Variants in PLAT observed in about 807,000 individuals in gnomAD.
The protein encoded by PLAT is plasminogen activator, tissue type.
A neutral mutation model predicts 74.9 loss-of-function variants in PLAT; 48 were observed. The observed-to-expected ratio is 0.64, with a 90% CI of 0.51 to 0.82. The LOEUF (loss-of-function observed/expected upper bound fraction) is 0.82. Among genes scored for constraint, PLAT ranks in the 40% least tolerant of loss-of-function variants. PLAT has a pLI of 0.00. For synonymous variants in PLAT, 307 were observed against 294.4 expected (o/e 1.04, Z -0.44); for missense variants, 673 against 736.2 (o/e 0.91, Z 0.99).
chr8:42,197,919 C>T (rs1196983300), intron 1 of PLAT, among the ~76,000 whole-genome samples: 1 of 152,200 alleles, frequency 6.6e-6, no homozygotes, highest in Admixed American at 6.5e-5. Context: ...AGGTTGCCTC[C>T]GGTGCTGACA....
intron 1 of PLAT, chr8:42,206,567 G>A (rs1585444364): frequency 6.6e-6 from 1 of 152,154 alleles, no homozygotes; most frequent in African/African-American, 2.4e-5. Flanking sequence ...AGCTACAGGA[G>A]ACCACCATAT....
In PLAT at chr8:42,180,010, G is replaced by A. The variant is rs1224060830; in HGVS notation, c.1279C>T (p.Arg427Cys). The A allele has an allele frequency of 1.2e-6, 2 of 1,609,564 alleles. No individual in the cohort carries two copies. Among genetic ancestry groups the A allele is most frequent in the African/African-American group, 1.3e-5 (1 of 74,808 alleles). Residue 427 changes from arginine to cysteine, a missense_variant, in exon 12 of 14, where the codon CGC (arginine) becomes TGC (cysteine). Coordinates refer to ENST00000220809, the MANE Select transcript of PLAT (RefSeq NM_000930.5). ...TCCGCCGGGGGAAGGCACACAGTGC[G>A]GACCACGCTGCTCTCCTGGGCACAG... ...SRCAQESSVVRTVCLPPADLQ... is the reference protein window; with the variant it reads ...SRCAQESSVVCTVCLPPADLQ...
At chr8:42,177,090 G>A (rs900957128) in intron 13 of PLAT, among the ~76,000 whole-genome samples, 7 of 151,998 alleles carry the variant, frequency 4.6e-5, no homozygotes, top group African/African-American at 1.5e-4. Flanking sequence ...AGCAATTCTC[G>A]TGCTTATGGG....
intron 7 of PLAT, among the ~76,000 whole-genome samples, chr8:42,183,776 C>T (rs1805342339): frequency 6.6e-6 from 1 of 151,886 alleles, no homozygotes; most frequent in South Asian, 2.1e-4. Flanking sequence ...TAGACCAGAC[C>T]ATGGGGGATG....
chr8:42,180,758 C>T, intron 9 of PLAT, 73 bp from the exon 10 acceptor site: 1 of 1,136,598 alleles, frequency 8.8e-7, no homozygotes, highest in Non-Finnish European at 1.2e-6. Flanking sequence ...GTGAGGAGGC[C>T]ATCAGCATGG....
chr8:42,191,484 C>G (rs1227124789), intron 2 of PLAT, 70 bp from the exon 3 acceptor site: 5 of 1,446,922 alleles, frequency 3.5e-6, no homozygotes, highest in Non-Finnish European at 4.9e-6. Flanking sequence ...GGCGGCCAAC[C>G]CAGAAGCCCA....
At chr8:42,205,770 A>G (rs1030800269) in intron 1 of PLAT, among the ~76,000 whole-genome samples, 1 of 152,208 alleles carries the variant, frequency 6.6e-6, no homozygotes, top group Non-Finnish European at 1.5e-5. Context: ...TATGAAACCA[A>G]GCCATACCTT....
rs1202812967 is a variant in PLAT at position 42,194,237 on chromosome 8, AGAGAGTGTGTGTGTGT to A, written c.-26-1042_-26-1027del. The stretch of plus-strand genomic sequence containing the variant: ...GGCTGAGAGAGAGAGAGAGAGAGAG[AGAGAGTGTGTGTGTGT>A]GTGTGTGTGTGTGTGTGTGTGTGTG... On this transcript the variant is annotated intron_variant, in intron 1 of 13. Transcript: ENST00000220809. 3.0e-3 allele frequency among the ~76,000 whole-genome samples: 184 copies of A among 60,562 alleles called. 1 individual carries two copies. The highest frequency in any genetic ancestry group is 5.1e-3 in the Admixed American group (24 of 4,678). 39.7% of individuals were successfully genotyped at this position (60,562 alleles called of 152,430 possible).
chr8:42,182,028 T>A lies in PLAT; in HGVS notation c.804-6A>T, dbSNP rs919362946. On this transcript the variant is annotated splice_polypyrimidine_tract_variant and splice_region_variant and intron_variant, in intron 8 of 13. Transcript: ENST00000220809. The stretch of plus-strand genomic sequence containing the variant: ...TGGCATCCCCATCAGGATTCCTAAA[T>A]GATAAGAGAGTTTAAGGTTTCCTTT... 2.6e-6 allele frequency: 4 copies of A among 1,567,222 alleles called. No homozygotes were observed. The highest frequency in any genetic ancestry group is 1.4e-5 in the African/African-American group (1 of 74,004).
intron 1 of PLAT, among the ~76,000 whole-genome samples, chr8:42,202,133 C>T (rs1029347283): frequency 6.6e-6 from 1 of 152,148 alleles, no homozygotes; most frequent in East Asian, 1.9e-4. Context: ...GATCCTCTCA[C>T]CTCAGCTTCT....
intron 13 of PLAT, 151 bp from the exon 14 acceptor site, chr8:42,176,302 G>A: frequency 3.1e-6 from 2 of 646,388 alleles, no homozygotes; most frequent in Non-Finnish European, 5.2e-6. Context: ...ACTTTGATGA[G>A]GAAAACAAAA....
At chr8:42,189,903 T>TTTTTCTTTTC (rs58642398) in intron 3 of PLAT, among the ~76,000 whole-genome samples, 2 of 150,368 alleles carry the variant, frequency 1.3e-5, no homozygotes, top group African/African-American at 4.9e-5. Context: ...CCAGCCTAAT[T>TTTTTCTTTTC]TTTTCTTTTC....
chr8:42,182,860 G>C lies in PLAT; in HGVS notation c.662C>G (p.Ser221Ter). Reference protein sequence around the residue: ...GNSDCYFGNGSAYRGTHSLTE... With the variant: ...GNSDCYFGNG ...GAGGCTGTGCGTGCCACGGTAGGCT[G>C]ACCCATTCCCAAAGTAGCAGTCACT... Residue 221 changes from serine (S) to a stop codon, truncating the protein, a stop_gained, in exon 8 of 14, where the codon TCA becomes TGA. Transcript: ENST00000220809. LOFTEE classifies it high-confidence loss of function. The C allele has an allele frequency of 6.2e-7, 1 of 1,610,226 alleles. No homozygotes were observed. The highest frequency in any genetic ancestry group is 1.3e-5 in the African/African-American group (1 of 74,726).
At chr8:42,193,064 G>A (rs761033868) in intron 2 of PLAT, 50 bp downstream of exon 2, 39 of 1,326,216 alleles carry the variant, frequency 2.9e-5, no homozygotes, top group African/African-American at 8.7e-5. Flanking sequence ...TGGAGCCTCC[G>A]GAAGCATCAC....
In PLAT at chr8:42,180,378, C is replaced by G. The variant is rs1240443458; in HGVS notation, c.1086G>C (p.Arg362Ser). 1 of 1,614,186 alleles carries G rather than the reference C, an allele frequency of 6.2e-7. No homozygotes were observed. Among genetic ancestry groups the G allele is most frequent in the Non-Finnish European group, 8.5e-7 (1 of 1,180,000 alleles). ...TCACCGTCAGGTGGTGGGGCGGAAA[C>G]CTGGTGGAGAAACAGCCTTAGAATG... ...ILSAAHCFQE[R>S]FPPHHLTVIL... The change falls in exon 11 of 14, where the codon AGG becomes AGC. Residue 362 changes from arginine to serine, a missense_variant and splice_region_variant. Transcript: ENST00000220809.
Position 42,175,228 on chromosome 8 carries a change from T to TC in PLAT, c.*764dup, listed in dbSNP as rs1186376444. 2.6e-5 allele frequency: 4 copies of TC among 152,168 alleles called. No individual in the cohort carries two copies. Among genetic ancestry groups the TC allele is most frequent in the African/African-American group, 9.7e-5 (4 of 41,422 alleles). 9.4% of individuals were successfully genotyped at this position (152,168 alleles called of 1,614,324 possible). ...AGCATCTATAACAAAACCATTCCAC[T>TC]CTGATTTTGGAAAAACTGTGAAAAA... On this transcript the variant is annotated 3_prime_UTR_variant, in exon 14 of 14. Transcript: ENST00000220809.
Position 42,179,075 on chromosome 8 carries a change from G to C in PLAT, c.1364-12C>G, listed in dbSNP as rs1291987670. The C allele has an allele frequency of 4.4e-6, 7 of 1,598,456 alleles. No individual in the cohort carries two copies. The highest frequency in any genetic ancestry group is 6.0e-6 in the Non-Finnish European group (7 of 1,169,680). ...ATAGAAAGGAGACACTGAAAGGGGA[G>C]AACCATCATATGGTTTTAGGGAAAG... On this transcript the variant is annotated splice_polypyrimidine_tract_variant and intron_variant, in intron 12 of 13. Transcript: ENST00000220809.
chr8:42,188,198 C>A (rs758306447), intron 4 of PLAT, 182 bp from the exon 5 acceptor site: 2 of 535,418 alleles, frequency 3.7e-6, no homozygotes, highest in Non-Finnish European at 6.6e-6. Flanking sequence ...GAAAAAAATC[C>A]ATACATAAGT....
chr8:42,182,998 G>T lies in PLAT; in HGVS notation c.632-108C>A, dbSNP rs1212353032. The T allele has an allele frequency of 8.8e-6, 7 of 799,028 alleles. No homozygotes were observed. The South Asian group carries it at 9.7e-5, about 11-fold the overall frequency. The allele number at this position is 799,028 out of a possible 1,614,324, so 49.5% of individuals were successfully genotyped here. The stretch of plus-strand genomic sequence containing the variant: ...CGGTCGAGGAAGCTGGAGGCCGCTA[G>T]CCCGGCACTGAGAAGAGTGTAACAC... On this transcript the variant is annotated intron_variant, in intron 7 of 13. Coordinates refer to ENST00000220809, the MANE Select transcript of PLAT (RefSeq NM_000930.5).
Sources: gnomAD v4.1 joint callset for allele counts (sites outside exome capture counted in the v4.1 genomes callset) on GRCh38, gnomAD v4.1.1 for gene constraint, MANE v1.5 for transcripts, NCBI Gene and HGNC (gene_info 2026-07-23, HGNC 2026-07-21) for gene names.